UST: variants seen among roughly 807,000 people sequenced by gnomAD.
The protein encoded by UST is chondroitin sulfate 2-O-sulfotransferase.
In UST, 21 loss-of-function variants were observed where a neutral mutation model predicts 45.6. The observed-to-expected ratio is 0.46, with a 90% CI of 0.33 to 0.66. UST has a LOEUF of 0.66. Ranked by LOEUF, UST falls within the 30% of genes least tolerant of loss-of-function variation. UST has a pLI of 0.02. For synonymous variants in UST, 215 were observed against 200.6 expected, an observed-to-expected ratio of 1.07 and a Z score of -0.61; for missense variants, 463 against 512.4, an observed-to-expected ratio of 0.90 and a Z score of 0.93.
chr6:149,021,693 C>G (rs1775983849), intron 7 of UST, among the ~76,000 whole-genome samples: 1 of 152,200 alleles, frequency 6.6e-6, no homozygotes, highest in African/African-American at 2.4e-5. Context: ...CACCATGTTC[C>G]AAAGGCTTAA....
chr6:148,889,908 CA>C (rs949224036), intron 2 of UST, among the ~76,000 whole-genome samples: 5 of 152,002 alleles, frequency 3.3e-5, no homozygotes, highest in African/African-American at 7.2e-5. Flanking sequence ...TCAACTCCCC[CA>C]TATCTCCCCC....
chr6:148,899,335 A>G (rs1425128331), intron 2 of UST, among the ~76,000 whole-genome samples: 2 of 151,958 alleles, frequency 1.3e-5, no homozygotes, highest in African/African-American at 2.4e-5. Context: ...TCCTGACCTC[A>G]TGATCTGCCC....
At chr6:148,803,662 A>G (rs1041725977) in intron 1 of UST, among the ~76,000 whole-genome samples, 6 of 151,476 alleles carry the variant, frequency 4.0e-5, no homozygotes, top group East Asian at 1.9e-4. Flanking sequence ...AGCCCCCACA[A>G]CTCTCCCACA....
At chr6:148,904,493 A>G (rs1447184411) in intron 2 of UST, among the ~76,000 whole-genome samples, 1 of 152,100 alleles carries the variant, frequency 6.6e-6, no homozygotes, top group African/African-American at 2.4e-5. Context: ...TATGAATATT[A>G]TTTAGTGGTT....
chr6:149,074,206 C>CACCCAAGCATTAA lies in UST; in HGVS notation c.*90_*91insACCCAAGCATTAA. 3 of 1,395,526 alleles carry CACCCAAGCATTAA rather than the reference C, an allele frequency of 2.1e-6. No homozygotes were observed. The highest frequency in any genetic ancestry group is 2.9e-6 in the Non-Finnish European group (3 of 1,019,640). The allele number at this position is 1,395,526 out of a possible 1,614,324, so 86.4% of individuals were successfully genotyped here. A position where few individuals can be genotyped will look rare whatever the true frequency, so the allele number is the denominator to read the frequency against. ...AAATCCTTAAGGGACTAAATTAATG[C>CACCCAAGCATTAA]TTGGGTGCATTAAAAAGAACAAAAC... On this transcript the variant is annotated 3_prime_UTR_variant, in exon 8 of 8. Transcript: ENST00000367463.
chr6:148,944,508 TACACAC>T (rs10663979), intron 3 of UST, among the ~76,000 whole-genome samples: 1,474 of 142,564 alleles, frequency 0.01, 26 homozygotes, highest in African/African-American at 0.033. Context: ...GTTGTGATCA[TACACAC>T]ACACACACAC....
chr6:148,960,778 ATC>A (rs1179783103), intron 4 of UST, among the ~76,000 whole-genome samples: 2 of 152,248 alleles, frequency 1.3e-5, no homozygotes, highest in African/African-American at 4.8e-5. Context: ...AATCACAGTA[ATC>A]TCTACTATAA....
chr6:148,979,170 G>A (rs1781080881), intron 5 of UST, among the ~76,000 whole-genome samples: 1 of 152,184 alleles, frequency 6.6e-6, no homozygotes, highest in South Asian at 2.1e-4. Flanking sequence ...GTAAATTCAA[G>A]TGTGTCCTTT....
intron 7 of UST, among the ~76,000 whole-genome samples, chr6:149,070,753 C>G (rs1409184941): frequency 6.7e-6 from 1 of 149,918 alleles, no homozygotes; most frequent in African/African-American, 2.5e-5. Context: ...CAGTTATGCT[C>G]TTTTAGTTAT....
At chr6:149,020,444 C>T (rs1775961523) in intron 6 of UST, among the ~76,000 whole-genome samples, 1 of 152,156 alleles carries the variant, frequency 6.6e-6, no homozygotes, top group South Asian at 2.1e-4. Flanking sequence ...ATGATTTGAA[C>T]TCCCTAAAGT....
chr6:148,876,704 T>G (rs1778658767), intron 1 of UST, among the ~76,000 whole-genome samples: 1 of 152,118 alleles, frequency 6.6e-6, no homozygotes, highest in Admixed American at 6.5e-5. Flanking sequence ...GATCATTCAT[T>G]TCATAGTCCT....
intron 1 of UST, among the ~76,000 whole-genome samples, chr6:148,882,247 A>C (rs1312742023): frequency 6.6e-6 from 1 of 152,108 alleles, no homozygotes; most frequent in Non-Finnish European, 1.5e-5. Context: ...GCACTTTGGG[A>C]GTCCAAGGCG....
intron 1 of UST, among the ~76,000 whole-genome samples, chr6:148,878,317 T>G (rs1414484658): frequency 1.0e-4 from 3 of 29,246 alleles, no homozygotes; most frequent in African/African-American, 4.6e-4. Flanking sequence ...CATGTATGAG[T>G]GCGGGGATCG....
intron 7 of UST, among the ~76,000 whole-genome samples, chr6:149,056,504 C>T (rs554060573): frequency 6.6e-6 from 1 of 152,294 alleles, no homozygotes; most frequent in South Asian, 2.1e-4. Context: ...TTCAAACTTT[C>T]CTTAAGCAAA....
intron 7 of UST, among the ~76,000 whole-genome samples, chr6:149,067,282 G>C (rs1374604444): frequency 6.6e-6 from 1 of 152,120 alleles, no homozygotes. Context: ...GTGACTGAAG[G>C]CAATTTTGTT....
chr6:148,938,232 T>G (rs1382068510), intron 2 of UST, among the ~76,000 whole-genome samples: 2 of 152,228 alleles, frequency 1.3e-5, no homozygotes, highest in Non-Finnish European at 2.9e-5. Context: ...CTCAGAGCAG[T>G]TAGGGCTCAT....
Position 148,939,536 on chromosome 6 carries a change from G to T in UST, c.292-1743G>T, listed in dbSNP as rs371330499. On this transcript the variant is annotated intron_variant, in intron 2 of 7. Coordinates refer to ENST00000367463, the MANE Select transcript of UST (RefSeq NM_005715.3). ...TTAAGGGAATAGAATTGAGAATCCA[G>T]AAATAATAATGACCCCAAATACACT... Among the ~76,000 whole-genome samples, 21 of 152,288 alleles carry T rather than the reference G, an allele frequency of 1.4e-4. No homozygotes were observed. In the East Asian group the frequency reaches 3.5e-3, roughly 25 times the overall value.
At chr6:149,016,383 G>A (rs1775899809) in intron 5 of UST, among the ~76,000 whole-genome samples, 3 of 152,176 alleles carry the variant, frequency 2.0e-5, no homozygotes, top group Admixed American at 6.5e-5. Context: ...CTATGAGCCC[G>A]GGGTTGCTGA....
At chr6:148,809,026 T>C (rs1031263960) in intron 1 of UST, among the ~76,000 whole-genome samples, 4 of 152,268 alleles carry the variant, frequency 2.6e-5, no homozygotes, top group Non-Finnish European at 4.4e-5. Flanking sequence ...CAGCCCATGC[T>C]GACTAAGACA....
Sources: allele counts gnomAD v4.1 joint callset (sites outside exome capture counted in the v4.1 genomes callset), GRCh38; gene constraint gnomAD v4.1.1; transcripts MANE v1.5; gene names NCBI Gene and HGNC (gene_info 2026-07-23, HGNC 2026-07-21).